Variants in STAT3 observed in about 807,000 individuals in gnomAD.
STAT3 encodes the protein DNA-binding protein APRF.
A neutral mutation model predicts 114.3 loss-of-function variants in STAT3; 7 were observed. The observed-to-expected ratio is 0.06, with a 90% CI of 0.03 to 0.11. STAT3 has a LOEUF of 0.11. STAT3 is among the 10% of genes least tolerant of loss of function. STAT3 has a pLI of 1.00. For missense variants in STAT3, 364 were observed against 960.9 expected, an observed-to-expected ratio of 0.38 and a Z score of 8.21; for synonymous variants, 331 against 354.5, an observed-to-expected ratio of 0.93 and a Z score of 0.74.
chr17:42,356,008 A>G (rs1409351546), intron 1 of STAT3, among the ~76,000 whole-genome samples: 2 of 152,134 alleles, frequency 1.3e-5, no homozygotes, highest in Non-Finnish European at 2.9e-5. Flanking sequence ...TCCTTTGGGT[A>G]CCACCTATAC....
In STAT3 at chr17:42,334,530, C is replaced by T. The variant is rs1019074221; in HGVS notation, c.798-481G>A. On this transcript the variant is annotated intron_variant, in intron 8 of 23. Coordinates refer to ENST00000264657, the MANE Select transcript of STAT3 (RefSeq NM_139276.3). ...CACAGTCTCAGCTCACTGCAACCTC[C>T]GCCTCCCAAGTTCAAGTGATTCTCC... 5.3e-5 allele frequency among the ~76,000 whole-genome samples: 8 copies of T among 150,898 alleles called. No individual in the cohort carries two copies. The East Asian group carries it at 5.8e-4, about 11-fold the overall frequency.
chr17:42,365,198 T>C (rs992442243), intron 1 of STAT3, among the ~76,000 whole-genome samples: 3 of 152,210 alleles, frequency 2.0e-5, no homozygotes, highest in East Asian at 1.9e-4. Flanking sequence ...CCTGATTTCA[T>C]TGGAAGTCTC....
chr17:42,331,557 A>G (rs567803311), intron 10 of STAT3, 26 bp from the exon 11 acceptor site: 152 of 1,587,470 alleles, frequency 9.6e-5, no homozygotes, highest in Middle Eastern at 1.7e-4. Flanking sequence ...AAATCCAAGG[A>G]AAAAAAGTCA....
intron 21 of STAT3, chr17:42,317,684 A>C: frequency 4.7e-6 from 1 of 213,932 alleles, no homozygotes; most frequent in South Asian, 7.8e-5. Context: ...AAGTCTTTAA[A>C]GAACATGGAG....
In STAT3 at chr17:42,323,080, G is replaced by T. The variant is rs2144692785; in HGVS notation, c.1812C>A (p.Gly604=). The T allele has an allele frequency of 6.2e-7, 1 of 1,614,216 alleles. No individual in the cohort carries two copies. Among genetic ancestry groups the T allele is most frequent in the South Asian group, 1.1e-5 (1 of 91,088 alleles). Residue 604 remains glycine, a synonymous_variant, in exon 20 of 24, where the codon GGC becomes GGA. Coordinates refer to ENST00000264657, the MANE Select transcript of STAT3 (RefSeq NM_139276.3). ...TTTCACTGAATCTTAGCAGGAAGGT[G>T]CCTGGAGGCTTAGTGCTCAAGATGG... is the stretch of plus-strand genomic sequence containing the variant. The part of the protein sequence containing the change: ...ERAILSTKPP[G]TFLLRFSESS...
rs1000056631 is a variant in STAT3, at chr17:42,324,523, C to A, written c.1600+188G>T. Among the ~76,000 whole-genome samples the A allele has an allele frequency of 6.6e-6, 1 of 152,114 alleles. No individual in the cohort carries two copies. The highest frequency in any genetic ancestry group is 1.9e-4 in the East Asian group (1 of 5,192). ...CCCACCTCAAAAATGATCACCTCGA[C>A]TGAAAACTGCAAACTGTCTCTGCAC... On this transcript the variant is annotated intron_variant, in intron 17 of 23. Coordinates refer to ENST00000264657, the MANE Select transcript of STAT3 (RefSeq NM_139276.3). This position sits in a 1 kb window ranked among gnomAD's most constrained non-coding sequence, Gnocchi z 4.5.
chr17:42,388,221 C>G, intron 1 of STAT3, 58 bp downstream of exon 1: 1 of 1,231,048 alleles, frequency 8.1e-7, no homozygotes, highest in Non-Finnish European at 1.0e-6. Context: ...CCCCCTGCCG[C>G]TGCGGAGCCC....
chr17:42,330,235 G>C (rs1464239054), intron 11 of STAT3, among the ~76,000 whole-genome samples: 1 of 150,770 alleles, frequency 6.6e-6, no homozygotes, highest in Non-Finnish European at 1.5e-5. Flanking sequence ...TCCTGCCTCA[G>C]CCTCCCGTGT....
intron 11 of STAT3, among the ~76,000 whole-genome samples, chr17:42,330,902 CA>C (rs1312978324): frequency 6.6e-6 from 1 of 152,142 alleles, no homozygotes; most frequent in Non-Finnish European, 1.5e-5. Context: ...TTTCGGTCAA[CA>C]ACAAAATGCA....
intron 1 of STAT3, among the ~76,000 whole-genome samples, chr17:42,374,675 ACTCAG>A (rs1280755365): frequency 1.3e-5 from 2 of 151,720 alleles, no homozygotes; most frequent in Non-Finnish European, 2.9e-5. Flanking sequence ...CCAGTCAATC[ACTCAG>A]CCAAAGAGAA....
intron 21 of STAT3, among the ~76,000 whole-genome samples, chr17:42,318,508 C>T (rs970692711): frequency 6.6e-6 from 1 of 152,130 alleles, no homozygotes; most frequent in Non-Finnish European, 1.5e-5. Flanking sequence ...TTTCTATGAG[C>T]TTTGTCATTT....
At chr17:42,325,177 T>G in intron 15 of STAT3, 116 bp from the exon 16 acceptor site, 13 of 938,826 alleles carry the variant, frequency 1.4e-5, no homozygotes, top group Non-Finnish European at 2.0e-5. Flanking sequence ...AAACCACACC[T>G]GCTGCCAACT....
chr17:42,365,411 C>A (rs1018116853), intron 1 of STAT3, among the ~76,000 whole-genome samples: 5 of 152,154 alleles, frequency 3.3e-5, no homozygotes, highest in Admixed American at 1.3e-4. Flanking sequence ...CATCGCAGAG[C>A]AAAGACAAGC....
chr17:42,372,358 G>A (rs1467260764), intron 1 of STAT3, among the ~76,000 whole-genome samples: 1 of 152,076 alleles, frequency 6.6e-6, no homozygotes, highest in Non-Finnish European at 1.5e-5. Context: ...CCATACAATA[G>A]AGTATTACTC....
intron 11 of STAT3, among the ~76,000 whole-genome samples, chr17:42,330,988 T>G (rs1267569332): frequency 6.6e-6 from 1 of 152,188 alleles, no homozygotes; most frequent in Non-Finnish European, 1.5e-5. Context: ...TACAATTGCC[T>G]ACGGTATTCA....
chr17:42,378,354 TC>T, intron 1 of STAT3, among the ~76,000 whole-genome samples: 1 of 152,340 alleles, frequency 6.6e-6, no homozygotes, highest in South Asian at 2.1e-4. Flanking sequence ...CAAGCGATTC[TC>T]TTGCTTTAGC....
At chr17:42,322,906 A>T in intron 20 of STAT3, 98 bp downstream of exon 20, 1 of 1,572,280 alleles carries the variant, frequency 6.4e-7, no homozygotes. Context: ...AGTCAAGGCC[A>T]TCTCCACCCA....
At chr17:42,329,912 TG>T (rs2081921277) in intron 11 of STAT3, 136 bp from the exon 12 acceptor site, 2 of 1,020,682 alleles carry the variant, frequency 2.0e-6, no homozygotes, top group Non-Finnish European at 3.0e-6. Flanking sequence ...CAGTTACAGT[TG>T]ATCAGCGCAA....
At chr17:42,346,137 C>T (rs2082690743) in intron 3 of STAT3, among the ~76,000 whole-genome samples, 1 of 152,120 alleles carries the variant, frequency 6.6e-6, no homozygotes, top group Non-Finnish European at 1.5e-5. Context: ...CCTCAACCTC[C>T]TAAGGTGTTG....
Sources: gnomAD v4.1 joint callset for allele counts (sites outside exome capture counted in the v4.1 genomes callset) on GRCh38, gnomAD v4.1.1 for gene constraint, Gnocchi (gnomAD v3.1) non-coding constraint, MANE v1.5 for transcripts, NCBI Gene and HGNC (gene_info 2026-07-23, HGNC 2026-07-21) for gene names.